Variants in FUT8 observed in about 807,000 individuals in gnomAD.
FUT8 encodes alpha-(1,6)-fucosyltransferase.
FUT8 carries 29 observed loss-of-function variants against 71.3 expected under a neutral mutation model. The observed-to-expected ratio is 0.41, with a 90% CI of 0.30 to 0.55. FUT8 has a LOEUF of 0.55. FUT8 is among the 20% of genes least tolerant of loss of function. The pLI is 0.34. For missense variants in FUT8, 544 were observed against 702.1 expected, an observed-to-expected ratio of 0.77 and a Z score of 2.55; for synonymous variants, 254 against 239.3, an observed-to-expected ratio of 1.06 and a Z score of -0.57.
intron 7 of FUT8, among the ~76,000 whole-genome samples, chr14:65,701,792 G>A (rs1287375355): frequency 1.3e-5 from 2 of 152,230 alleles, no homozygotes; most frequent in East Asian, 3.9e-4. Context: ...ACATTATAGA[G>A]AAAAATCTGT....
At chr14:65,478,914 C>A (rs1412157344) in intron 2 of FUT8, among the ~76,000 whole-genome samples, 1 of 152,138 alleles carries the variant, frequency 6.6e-6, no homozygotes, top group Non-Finnish European at 1.5e-5. Context: ...CTTTAAACAA[C>A]AAAGGAACAT....
chr14:65,456,424 AGTT>A (rs1333153235), intron 2 of FUT8, among the ~76,000 whole-genome samples: 2 of 152,172 alleles, frequency 1.3e-5, no homozygotes, highest in African/African-American at 4.8e-5. Flanking sequence ...GTGTATCAGT[AGTT>A]TGTCCTTTTT....
At chr14:65,577,165 A>G (rs778386460) in intron 3 of FUT8, among the ~76,000 whole-genome samples, 1 of 152,070 alleles carries the variant, frequency 6.6e-6, no homozygotes, top group Non-Finnish European at 1.5e-5. Flanking sequence ...ATAAATCTTT[A>G]TAAGCTTACA....
rs2140189201 is a variant in FUT8, at chr14:65,607,806, GTAA to G, written c.204-8170_204-8168del. Reference sequence around the variant, plus strand: ...TGGCCAGGCACGGTAGCTCATGCCTGTAATCCCAGCACTTTGGGAGGCTGAAGT... The same window carrying G: ...TGGCCAGGCACGGTAGCTCATGCCTGTCCCAGCACTTTGGGAGGCTGAAGT... On this transcript the variant is annotated intron_variant, in intron 3 of 10. Transcript: ENST00000673929. This position sits in a 1 kb window ranked among gnomAD's most constrained non-coding sequence, Gnocchi z 4.1. Among the ~76,000 whole-genome samples, 1 of 151,946 alleles carries G rather than the reference GTAA, an allele frequency of 6.6e-6. No homozygotes were observed. Among genetic ancestry groups the G allele is most frequent in the African/African-American group, 2.4e-5 (1 of 41,478 alleles).
upstream of FUT8, chr14:65,412,022 C>T (rs2065133364): frequency 2.2e-6 from 1 of 456,596 alleles, no homozygotes; most frequent in African/African-American, 2.0e-5. Context: ...CAAAGCCTCT[C>T]CCCTCTCCCC....
intron 3 of FUT8, among the ~76,000 whole-genome samples, chr14:65,613,888 G>A (rs1205168255): frequency 6.6e-6 from 1 of 152,102 alleles, no homozygotes; most frequent in Non-Finnish European, 1.5e-5. Flanking sequence ...GAGGTGGGCG[G>A]ATCACTTGAG....
At chr14:65,551,420 G>C (rs1213868479) in intron 2 of FUT8, among the ~76,000 whole-genome samples, 1 of 152,150 alleles carries the variant, frequency 6.6e-6, no homozygotes, top group Non-Finnish European at 1.5e-5. Flanking sequence ...TAGTCAAAGG[G>C]TACAGAGTTT....
chr14:65,434,806 A>T (rs930931110), intron 1 of FUT8, among the ~76,000 whole-genome samples: 1 of 151,946 alleles, frequency 6.6e-6, no homozygotes, highest in Non-Finnish European at 1.5e-5. Flanking sequence ...CTTTTATCCC[A>T]ATTTGGCATA....
chr14:65,605,450 G>A (rs546370117), intron 3 of FUT8, among the ~76,000 whole-genome samples: 6 of 152,000 alleles, frequency 3.9e-5, no homozygotes, highest in Non-Finnish European at 7.4e-5. Context: ...AGGTCATTAA[G>A]GTGGACCCTA....
intron 2 of FUT8, among the ~76,000 whole-genome samples, chr14:65,492,390 C>T (rs2066495044): frequency 6.6e-6 from 1 of 152,164 alleles, no homozygotes; most frequent in Admixed American, 6.6e-5. Context: ...AAGTTTTGGC[C>T]AATCAAATGT....
intron 2 of FUT8, among the ~76,000 whole-genome samples, chr14:65,538,643 G>A (rs1884487896): frequency 6.6e-6 from 1 of 152,224 alleles, no homozygotes; most frequent in African/African-American, 2.4e-5. Context: ...TTCTAGGCCG[G>A]GAATGGTGGC....
chr14:65,732,259 A>G (rs368380690), intron 9 of FUT8, among the ~76,000 whole-genome samples: 2 of 152,236 alleles, frequency 1.3e-5, no homozygotes, highest in African/African-American at 4.8e-5. Context: ...CTTGGTGGCC[A>G]TGAAATGAAG....
intron 2 of FUT8, chr14:65,468,366 G>A (rs2066079907): frequency 3.8e-6 from 2 of 521,528 alleles, no homozygotes; most frequent in Middle Eastern, 4.4e-4. Flanking sequence ...ACTGGAAGAT[G>A]GTGGTTCCGG....
At chr14:65,429,061 G>C (rs545674890) in intron 1 of FUT8, among the ~76,000 whole-genome samples, 5 of 152,210 alleles carry the variant, frequency 3.3e-5, no homozygotes, top group African/African-American at 1.2e-4. Flanking sequence ...ATGTGTATAT[G>C]TGTGTGTTTG....
At chr14:65,702,973 T>G (rs1240423151) in intron 7 of FUT8, among the ~76,000 whole-genome samples, 1 of 152,176 alleles carries the variant, frequency 6.6e-6, no homozygotes, top group African/African-American at 2.4e-5. Flanking sequence ...TCTTGATCTC[T>G]TGACCTCATG....
chr14:65,422,907 C>T (rs1387106314), intron 1 of FUT8, among the ~76,000 whole-genome samples: 1 of 152,074 alleles, frequency 6.6e-6, no homozygotes, highest in Non-Finnish European at 1.5e-5. Context: ...ATCCTCCTGC[C>T]TCATCTTCCC....
At chr14:65,719,516 G>A (rs75685548) in intron 7 of FUT8, among the ~76,000 whole-genome samples, 2 of 152,064 alleles carry the variant, frequency 1.3e-5, no homozygotes, top group African/African-American at 2.4e-5. Flanking sequence ...ATGCTTGTGG[G>A]TGTTCATTGG....
chr14:65,524,629 C>T lies in FUT8; in HGVS notation c.-227-36708C>T, dbSNP rs111688198. On this transcript the variant is annotated intron_variant, in intron 2 of 10. Transcript: ENST00000673929. ...CACTATGTTAAATAGGAGTGGTGAG[C>T]GAGGGCATCCCTGTCTTGTGCCAGT... 2.1e-3 allele frequency among the ~76,000 whole-genome samples: 313 copies of T among 152,190 alleles called. 1 individual carries two copies. The highest frequency in any genetic ancestry group is 6.9e-3 in the African/African-American group (286 of 41,532).
At chr14:65,524,072 AT>A (rs1244990330) in intron 2 of FUT8, among the ~76,000 whole-genome samples, 11 of 152,112 alleles carry the variant, frequency 7.2e-5, no homozygotes, top group African/African-American at 2.4e-4. Context: ...TTTTGGTTCC[AT>A]ATGAACTTTA....
Sources: gnomAD v4.1 joint callset for allele counts (sites outside exome capture counted in the v4.1 genomes callset) on GRCh38, gnomAD v4.1.1 for gene constraint, Gnocchi (gnomAD v3.1) non-coding constraint, MANE v1.5 for transcripts, NCBI Gene and HGNC (gene_info 2026-07-23, HGNC 2026-07-21) for gene names.